The following DUSP22 variants were observed in gnomAD, a reference collection of about 807,000 sequenced individuals.
The protein encoded by DUSP22 is dual specificity protein phosphatase 22.
A neutral mutation model predicts 24.5 loss-of-function variants in DUSP22; 24 were observed. The observed-to-expected ratio is 0.98, with a 90% CI of 0.71 to 1.38. The LOEUF (loss-of-function observed/expected upper bound fraction) is 1.38, where lower values mean the gene tolerates loss of function less well. DUSP22 is among the 40% of genes most tolerant of loss of function. DUSP22 has a pLI of 0.00. For synonymous variants in DUSP22, 160 were observed against 106.4 expected (o/e 1.50, Z -3.10); for missense variants, 330 against 269.2 (o/e 1.23, Z -1.58).
chr6:329,150 A>C (rs533042705), intron 3 of DUSP22, among the ~76,000 whole-genome samples: 1 of 152,310 alleles, frequency 6.6e-6, no homozygotes, highest in Non-Finnish European at 1.5e-5. Flanking sequence ...GGGTGCCTCA[A>C]AAAGCAATTT....
chr6:329,912 T>C (rs2127409881), intron 3 of DUSP22, among the ~76,000 whole-genome samples: 1 of 152,426 alleles, frequency 6.6e-6, no homozygotes, highest in East Asian at 1.9e-4. Context: ...AATTTGGCTT[T>C]TAATTCTTTT....
intron 3 of DUSP22, among the ~76,000 whole-genome samples, chr6:323,424 A>G (rs1294382366): frequency 6.6e-6 from 1 of 152,290 alleles, no homozygotes; most frequent in Non-Finnish European, 1.5e-5. Flanking sequence ...AAGCAAATGA[A>G]ATGCATGGTG....
intron 3 of DUSP22, among the ~76,000 whole-genome samples, chr6:323,864 C>G (rs1319761555): frequency 2.0e-5 from 3 of 152,304 alleles, no homozygotes; most frequent in Admixed American, 6.5e-5. Flanking sequence ...ATACCTTGTT[C>G]CAGGAGATCA....
chr6:292,687 A>G (rs1581134262), intron 1 of DUSP22, 127 bp downstream of exon 1: 1 of 1,334,088 alleles, frequency 7.5e-7, no homozygotes, highest in Non-Finnish European at 9.7e-7. Context: ...GCGCGGAGGG[A>G]GGGGCGGCGC....
chr6:307,181 A>G (rs1757847075), intron 2 of DUSP22, among the ~76,000 whole-genome samples: 1 of 152,296 alleles, frequency 6.6e-6, no homozygotes, highest in Admixed American at 6.5e-5. Context: ...GCTCTTTTAA[A>G]ATTACGAGTA....
intron 2 of DUSP22, among the ~76,000 whole-genome samples, chr6:307,474 C>T (rs1306933807): frequency 6.6e-6 from 1 of 152,308 alleles, no homozygotes; most frequent in South Asian, 2.1e-4. Flanking sequence ...TGGAGAAGAA[C>T]CACAAACAAA....
intron 1 of DUSP22, among the ~76,000 whole-genome samples, chr6:301,687 T>A (rs1554098090): frequency 6.6e-6 from 1 of 152,242 alleles, no homozygotes; most frequent in Non-Finnish European, 1.5e-5. Flanking sequence ...AGCAGAGAAT[T>A]GAGAGAGAGG....
chr6:344,474 A>G (rs1759763641), intron 4 of DUSP22, among the ~76,000 whole-genome samples: 1 of 152,282 alleles, frequency 6.6e-6, no homozygotes, highest in African/African-American at 2.4e-5. Context: ...TATTTTCTGT[A>G]GAGATGAGTT....
chr6:342,549 G>A (rs1416158944), intron 4 of DUSP22, among the ~76,000 whole-genome samples: 1 of 152,306 alleles, frequency 6.6e-6, no homozygotes, highest in African/African-American at 2.4e-5. Context: ...CCACTTCTGG[G>A]CCAGATGAGT....
chr6:338,808 C>G (rs1759474170), intron 4 of DUSP22, among the ~76,000 whole-genome samples: 1 of 152,298 alleles, frequency 6.6e-6, no homozygotes, highest in Non-Finnish European at 1.5e-5. Context: ...CCCACAAATC[C>G]CTGCACGAAC....
chr6:323,678 A>G (rs2127405479), intron 3 of DUSP22, among the ~76,000 whole-genome samples: 1 of 152,428 alleles, frequency 6.6e-6, no homozygotes, highest in South Asian at 2.1e-4. Context: ...TTTCCCTGTC[A>G]GTTTGTAACT....
chr6:292,808 G>A (rs919544266), intron 1 of DUSP22, among the ~76,000 whole-genome samples: 1 of 152,260 alleles, frequency 6.6e-6, no homozygotes, highest in East Asian at 1.9e-4. Context: ...GTGCGTTTTC[G>A]TGGCTGAAAC....
chr6:294,786 G>A (rs556528648), intron 1 of DUSP22, among the ~76,000 whole-genome samples: 1 of 152,280 alleles, frequency 6.6e-6, no homozygotes, highest in Admixed American at 6.5e-5. Context: ...GTGTGTGGGG[G>A]TGAGAGAGAG....
At chr6:339,519 T>G (rs1201002148) in intron 4 of DUSP22, among the ~76,000 whole-genome samples, 3 of 152,312 alleles carry the variant, frequency 2.0e-5, no homozygotes, top group African/African-American at 7.2e-5. Context: ...ATTTTGTACT[T>G]TGACATCATG....
chr6:321,979 A>G (rs946345676), intron 3 of DUSP22, among the ~76,000 whole-genome samples: 1 of 152,304 alleles, frequency 6.6e-6, no homozygotes, highest in South Asian at 2.1e-4. Flanking sequence ...TCATCACTGG[A>G]TAGAAATACA....
intron 6 of DUSP22, 178 bp from the exon 7 acceptor site, chr6:348,591 C>G: frequency 9.1e-7 from 1 of 1,093,338 alleles, no homozygotes; most frequent in Non-Finnish European, 1.3e-6. Flanking sequence ...CTTGAAGGAG[C>G]AGTTCCTTCT....
chr6:307,528 A>G (rs536093175), intron 2 of DUSP22, among the ~76,000 whole-genome samples: 8 of 152,426 alleles, frequency 5.2e-5, no homozygotes, highest in Admixed American at 4.6e-4. Context: ...TGCTTTGGTG[A>G]GAGCCTCTCT....
At chr6:292,771 G>T (rs546125455) in intron 1 of DUSP22, among the ~76,000 whole-genome samples, 6 of 152,238 alleles carry the variant, frequency 3.9e-5, no homozygotes, top group Non-Finnish European at 5.9e-5. Flanking sequence ...CGGGTAGGCA[G>T]CCCCCAGCCG....
rs1285739841 is a variant in DUSP22, at chr6:292,709, G to C, written c.21+149G>C. ...GGGAGGGGCGGCGCGCCTGGGCGGC[G>C]ACCGCGGAGTCGGGGTTCGGAGGTG... On this transcript the variant is annotated intron_variant, in intron 1 of 6. Coordinates refer to ENST00000419235, the MANE Select transcript of DUSP22 (RefSeq NM_001286555.3). The C allele has an allele frequency of 6.2e-5, 77 of 1,248,512 alleles. No individual in the cohort carries two copies. In the South Asian group the frequency reaches 1.1e-3, roughly 18 times the overall value. 77.3% of individuals were successfully genotyped at this position (1,248,512 alleles called of 1,614,324 possible).
Sources: gnomAD v4.1 joint callset for allele counts (sites outside exome capture counted in the v4.1 genomes callset) on GRCh38, gnomAD v4.1.1 for gene constraint, MANE v1.5 for transcripts, NCBI Gene and HGNC (gene_info 2026-07-23, HGNC 2026-07-21) for gene names.